SF3B3: variants seen among roughly 807,000 people sequenced by gnomAD.
The protein encoded by SF3B3 is SAP 130.
In SF3B3, 33 loss-of-function variants were observed where a neutral mutation model predicts 139.2. That is an observed-to-expected ratio of 0.24 (90% CI 0.18 to 0.32). The LOEUF (loss-of-function observed/expected upper bound fraction) is 0.32. SF3B3 is among the 10% of genes least tolerant of loss of function. SF3B3 has a pLI of 1.00. For missense variants in SF3B3, 818 were observed against 1,509.4 expected, an observed-to-expected ratio of 0.54 and a Z score of 7.59; for synonymous variants, 596 against 563.6, an observed-to-expected ratio of 1.06 and a Z score of -0.81.
intron 1 of SF3B3, among the ~76,000 whole-genome samples, chr16:70,526,067 A>T (rs570096044): frequency 6.6e-6 from 1 of 151,216 alleles, no homozygotes; most frequent in South Asian, 2.1e-4. Context: ...TGATCTTGCC[A>T]CCCTGCTTTT....
At chr16:70,561,561 G>T in intron 16 of SF3B3, 69 bp from the exon 17 acceptor site, 2 of 1,375,590 alleles carry the variant, frequency 1.5e-6, no homozygotes, top group Non-Finnish European at 1.0e-6. Flanking sequence ...TAGGGCTTTT[G>T]GTCAGCTTAT....
At chr16:70,524,379 A>G (rs772890388) in intron 1 of SF3B3, among the ~76,000 whole-genome samples, 1 of 152,052 alleles carries the variant, frequency 6.6e-6, no homozygotes, top group Non-Finnish European at 1.5e-5. Context: ...CTGAACCTCT[A>G]TTTTCTCGTT....
At chr16:70,544,047 A>G (rs1029364753) in intron 9 of SF3B3, among the ~76,000 whole-genome samples, 4 of 152,182 alleles carry the variant, frequency 2.6e-5, no homozygotes, top group Admixed American at 2.6e-4. Context: ...ATGCATATGA[A>G]AATATGCATA....
intron 8 of SF3B3, among the ~76,000 whole-genome samples, chr16:70,540,128 C>G (rs991070465): frequency 6.8e-6 from 1 of 148,074 alleles, no homozygotes; most frequent in Non-Finnish European, 1.5e-5. Context: ...GGCGCGGTGG[C>G]TCACGCCTGT....
rs565386921 is a variant in SF3B3 at position 70,540,366 on chromosome 16, C to T, written c.1067+1159C>T. ...CGTGTGCCACCGTGCCCAGCCGAGC[C>T]TTCTTAGCTTTTTGGGGTTTTTTTT... On this transcript the variant is annotated intron_variant, in intron 8 of 25. Coordinates refer to ENST00000302516, the MANE Select transcript of SF3B3 (RefSeq NM_012426.5). Among the ~76,000 whole-genome samples, 6 of 137,182 alleles carry T rather than the reference C, an allele frequency of 4.4e-5. No individual in the cohort carries two copies. The East Asian group carries it at 1.4e-3, about 33-fold the overall frequency. The allele number at this position is 137,182 out of a possible 152,430, so 90.0% of individuals were successfully genotyped here.
chr16:70,537,782 T>TA (rs1280063867), intron 6 of SF3B3, among the ~76,000 whole-genome samples: 2 of 152,144 alleles, frequency 1.3e-5, no homozygotes, highest in Admixed American at 6.5e-5. Flanking sequence ...TTGGAAACGT[T>TA]AAAAAACGCA....
chr16:70,525,957 CAAAAAAAAAAA>C (rs920550920), intron 1 of SF3B3, among the ~76,000 whole-genome samples: 6 of 42,262 alleles, frequency 1.4e-4, no homozygotes, highest in Non-Finnish European at 2.3e-4. Flanking sequence ...TGAGACGCCT[CAAAAAAAAAAA>C]AAAAAAAAAA....
chr16:70,563,412 A>G (rs182014832), intron 17 of SF3B3, among the ~76,000 whole-genome samples: 91 of 152,300 alleles, frequency 6.0e-4, no homozygotes, highest in Non-Finnish European at 9.3e-4. Context: ...CATTTGACAG[A>G]AATTTGTAGG....
intron 22 of SF3B3, 87 bp from the exon 23 acceptor site, chr16:70,568,956 T>G: frequency 2.2e-6 from 2 of 913,476 alleles, no homozygotes; most frequent in Non-Finnish European, 3.4e-6. Context: ...GTGGCTGACT[T>G]GCAAAGACCT....
intron 20 of SF3B3, among the ~76,000 whole-genome samples, chr16:70,566,149 T>C (rs2050474563): frequency 6.6e-6 from 1 of 151,838 alleles, no homozygotes; most frequent in Non-Finnish European, 1.5e-5. Context: ...CTTTTCCACC[T>C]GCATTCTCTG....
intron 14 of SF3B3, 165 bp downstream of exon 14, chr16:70,556,499 G>T: frequency 1.4e-6 from 1 of 727,586 alleles, no homozygotes; most frequent in Non-Finnish European, 2.3e-6. Context: ...TGTGTTTCAG[G>T]AGTTTCCTGC....
rs897314035 is a variant in SF3B3 at position 70,575,196 on chromosome 16, C to CTTTTTTTTTTTTTTTTT, written c.*3387_*3403dup. Reference sequence around the variant, plus strand: ...TTTTCTTTTTCTTTTTCTTTTTTTTCTTTTTTTTTTTTTTTTTTTTGAGAT... The same window carrying CTTTTTTTTTTTTTTTTT: ...TTTTCTTTTTCTTTTTCTTTTTTTTCTTTTTTTTTTTTTTTTTTTTTTTTTTTTTTTTTTTTTGAGAT... On this transcript the variant is annotated 3_prime_UTR_variant, in exon 26 of 26. Coordinates refer to ENST00000302516, the MANE Select transcript of SF3B3 (RefSeq NM_012426.5). The CTTTTTTTTTTTTTTTTT allele has an allele frequency of 3.0e-4, 33 of 110,002 alleles. No homozygotes were observed. Among genetic ancestry groups the CTTTTTTTTTTTTTTTTT allele is most frequent in the African/African-American group, 5.2e-4 (15 of 29,050 alleles). The allele number at this position is 110,002 out of a possible 1,614,324, so 6.8% of individuals were successfully genotyped here.
intron 13 of SF3B3, 52 bp downstream of exon 13, chr16:70,555,258 A>C: frequency 6.6e-7 from 1 of 1,506,134 alleles, no homozygotes; most frequent in Middle Eastern, 1.7e-4. Context: ...CCAGAGGGAA[A>C]GATGGGCATT....
chr16:70,569,236 G>A (rs2050505854), intron 23 of SF3B3, 95 bp downstream of exon 23: 4 of 811,356 alleles, frequency 4.9e-6, no homozygotes, highest in Non-Finnish European at 8.0e-6. Flanking sequence ...TATTCATAGT[G>A]CACACGACTG....
chr16:70,543,846 G>C (rs1327335782), intron 9 of SF3B3, among the ~76,000 whole-genome samples: 1 of 129,002 alleles, frequency 7.8e-6, no homozygotes, highest in African/African-American at 2.8e-5. Context: ...CTGTTTTTTT[G>C]TGTTTTTTTT....
intron 11 of SF3B3, chr16:70,550,696 A>G (rs1324047229): frequency 3.0e-6 from 3 of 984,364 alleles, no homozygotes; most frequent in East Asian, 1.1e-4. Flanking sequence ...CCTAACTGCT[A>G]GGGTCGATGT....
chr16:70,557,274 C>G (rs2050387753), intron 15 of SF3B3, among the ~76,000 whole-genome samples: 1 of 152,184 alleles, frequency 6.6e-6, no homozygotes, highest in Admixed American at 6.5e-5. Context: ...TACTCTAAGT[C>G]AGAACTGGAT....
intron 8 of SF3B3, among the ~76,000 whole-genome samples, chr16:70,540,255 T>A (rs2151781692): frequency 6.6e-6 from 1 of 151,772 alleles, no homozygotes; most frequent in African/African-American, 2.4e-5. Context: ...TGAGCTGGTC[T>A]CAAACCAGCT....
intron 11 of SF3B3, among the ~76,000 whole-genome samples, chr16:70,552,116 C>T (rs1406356173): frequency 6.6e-6 from 1 of 152,156 alleles, no homozygotes; most frequent in Non-Finnish European, 1.5e-5. Context: ...CACCCCTCCT[C>T]CCTTCTTTGC....
Sources: allele counts gnomAD v4.1 joint callset (sites outside exome capture counted in the v4.1 genomes callset), GRCh38; gene constraint gnomAD v4.1.1; transcripts MANE v1.5; gene names NCBI Gene and HGNC (gene_info 2026-07-23, HGNC 2026-07-21).